Variants in DCN observed in about 807,000 individuals in gnomAD.
DCN encodes the protein decorin.
DCN carries 17 observed loss-of-function variants against 36.5 expected under a neutral mutation model. That is an observed-to-expected ratio of 0.47 (90% CI 0.32 to 0.70). The LOEUF is 0.70. Ranked by LOEUF, DCN falls within the 30% of genes least tolerant of loss-of-function variation. The probability of loss-of-function intolerance (pLI) is 0.04; values close to 1 mark genes in which losing one functional copy is unlikely to be tolerated. For missense variants in DCN, 389 were observed against 430.1 expected, an observed-to-expected ratio of 0.90 and a Z score of 0.84; for synonymous variants, 163 against 161.4, an observed-to-expected ratio of 1.01 and a Z score of -0.07.
In DCN at chr12:91,143,120, G is replaced by A. The variant is rs1015141454; in HGVS notation, c.*2938C>T. The A allele has an allele frequency of 1.3e-5, 2 of 152,188 alleles. No homozygotes were observed. The highest frequency in any genetic ancestry group is 4.8e-5 in the African/African-American group (2 of 41,426). 9.4% of individuals were successfully genotyped at this position (152,188 alleles called of 1,614,324 possible). ...GGTGAAGATGGAGGCATAAATTAGA[G>A]TCACGCTGCCATAAGGCAAAGAACA... On this transcript the variant is annotated 3_prime_UTR_variant, in exon 8 of 8. Transcript: ENST00000052754.
At position 91,145,295 on chromosome 12, in the gene DCN, A is replaced by C. The variant is rs1880937789; in HGVS notation, c.*763T>G. 1 of 152,258 alleles carries C rather than the reference A, an allele frequency of 6.6e-6. No individual in the cohort carries two copies. Among genetic ancestry groups the C allele is most frequent in the African/African-American group, 2.4e-5 (1 of 41,466 alleles). 9.4% of individuals were successfully genotyped at this position (152,258 alleles called of 1,614,324 possible). On this transcript the variant is annotated 3_prime_UTR_variant, in exon 8 of 8. Transcript: ENST00000052754. ...TTTAATATTTATTTAGCAGAGGGGT[A>C]AATTGAAACATCAGTTCTCTAGACC...
At chr12:91,180,068 A>G (rs1347547756) in intron 1 of DCN, 1 of 152,172 alleles carries the variant, frequency 6.6e-6, no homozygotes, top group East Asian at 1.9e-4. Context: ...ATTATATAGC[A>G]GCAAAGTCAT....
At chr12:91,149,162 T>C (rs1371162719) in intron 7 of DCN, among the ~76,000 whole-genome samples, 6 of 152,084 alleles carry the variant, frequency 3.9e-5, no homozygotes, top group Admixed American at 3.9e-4. Context: ...TGTAATCAAA[T>C]ACCTCTTATG....
chr12:91,168,070 A>G (rs1882700798), intron 2 of DCN, among the ~76,000 whole-genome samples: 1 of 152,064 alleles, frequency 6.6e-6, no homozygotes, highest in South Asian at 2.1e-4. Flanking sequence ...TGACCTCATG[A>G]TCCACCAGCC....
In DCN at chr12:91,142,527, T is replaced by C. The variant is rs11106011; in HGVS notation, c.*3531A>G. The C allele has an allele frequency of 2.0e-5, 3 of 152,248 alleles. No homozygotes were observed. In the East Asian group the frequency reaches 5.8e-4, roughly 29 times the overall value. The allele number at this position is 152,248 out of a possible 1,614,324, so 9.4% of individuals were successfully genotyped here. A position where few individuals can be genotyped will look rare whatever the true frequency, so the allele number is the denominator to read the frequency against. On this transcript the variant is annotated 3_prime_UTR_variant, in exon 8 of 8. Coordinates refer to ENST00000052754, the MANE Select transcript of DCN (RefSeq NM_001920.5). ...AGATAATAGTGATGATTCAGACAAA[T>C]GAATGAGCAGAAGAAGAGGAGATCC...
chr12:91,170,576 T>A lies in DCN; in HGVS notation c.212-5859A>T, dbSNP rs558330595. Among the ~76,000 whole-genome samples, 12 of 152,348 alleles carry A rather than the reference T, an allele frequency of 7.9e-5. No individual in the cohort carries two copies. In the South Asian group the frequency reaches 2.5e-3, roughly 32 times the overall value. On this transcript the variant is annotated intron_variant, in intron 2 of 7. Coordinates refer to ENST00000052754, the MANE Select transcript of DCN (RefSeq NM_001920.5). The stretch of plus-strand genomic sequence containing the variant: ...ATGAGTAATTAGACTCCTCAAAAAC[T>A]GCTCCTGGTCAATTTAACCCTATTT...
At chr12:91,152,168 T>C (rs1288390200) in intron 6 of DCN, among the ~76,000 whole-genome samples, 2 of 152,198 alleles carry the variant, frequency 1.3e-5, no homozygotes, top group African/African-American at 4.8e-5. Context: ...AATAAACAAA[T>C]ATTCTTGAAA....
Position 91,140,994 on chromosome 12 carries a change from T to A in DCN, c.*5064A>T, listed in dbSNP as rs2121099943. 1 of 152,392 alleles carries A rather than the reference T, an allele frequency of 6.6e-6. No homozygotes were observed. The highest frequency in any genetic ancestry group is 1.9e-4 in the East Asian group (1 of 5,176). The allele number at this position is 152,392 out of a possible 1,614,324, so 9.4% of individuals were successfully genotyped here. The stretch of plus-strand genomic sequence containing the variant: ...ATTTTGATCCCTTCTCAACAATTTT[T>A]CTACTATTATCCAGGTCAAAGTCTT... On this transcript the variant is annotated 3_prime_UTR_variant, in exon 8 of 8. Coordinates refer to ENST00000052754, the MANE Select transcript of DCN (RefSeq NM_001920.5).
intron 6 of DCN, among the ~76,000 whole-genome samples, chr12:91,152,598 A>G (rs1881505289): frequency 6.6e-6 from 1 of 152,168 alleles, no homozygotes; most frequent in Non-Finnish European, 1.5e-5. Context: ...TTGTTGATCT[A>G]CATTAAATGC....
chr12:91,164,060 A>G (rs1882339589), intron 3 of DCN, among the ~76,000 whole-genome samples: 2 of 152,226 alleles, frequency 1.3e-5, no homozygotes, highest in Non-Finnish European at 2.9e-5. Context: ...GTTAGTGGTT[A>G]ATAAATATGA....
At position 91,157,237 on chromosome 12, in the gene DCN, A is replaced by G. The variant is rs1881845349; in HGVS notation, c.539-49T>C. The G allele has an allele frequency of 3.1e-6, 4 of 1,271,670 alleles. No homozygotes were observed. In the East Asian group the frequency reaches 9.2e-5, roughly 29 times the overall value. 78.8% of individuals were successfully genotyped at this position (1,271,670 alleles called of 1,614,324 possible). On this transcript the variant is annotated intron_variant, in intron 4 of 7. Coordinates refer to ENST00000052754, the MANE Select transcript of DCN (RefSeq NM_001920.5). The stretch of plus-strand genomic sequence containing the variant: ...CTTTTAGAGGAAATTTTAGGATATT[A>G]CTAGTCACTGTAGTATCTGTTTCAG...
intron 2 of DCN, among the ~76,000 whole-genome samples, chr12:91,167,454 C>T (rs1882644025): frequency 6.8e-6 from 1 of 146,780 alleles, no homozygotes; most frequent in Non-Finnish European, 1.5e-5. Flanking sequence ...ATCTCAGACA[C>T]ACACACACAG....
chr12:91,165,446 G>A (rs192440726), intron 2 of DCN, among the ~76,000 whole-genome samples: 2 of 152,134 alleles, frequency 1.3e-5, no homozygotes, highest in Admixed American at 1.3e-4. Context: ...TTTTTAGTTT[G>A]TAAATGTAAA....
chr12:91,180,692 T>A (rs1397362608), intron 1 of DCN: 1 of 152,170 alleles, frequency 6.6e-6, no homozygotes, highest in Non-Finnish European at 1.5e-5. Flanking sequence ...TTACTGAGTA[T>A]CCCTTTAAGA....
rs144972644 is a variant in DCN at position 91,157,181 on chromosome 12, G to A, written c.546C>T (p.Gly182=). 2.5e-6 allele frequency: 4 copies of A among 1,611,278 alleles called. No individual in the cohort carries two copies. The highest frequency in any genetic ancestry group is 3.4e-6 in the Non-Finnish European group (4 of 1,177,524). Residue 182 remains glycine, a synonymous_variant, in exon 5 of 8, where the codon GGC becomes GGT. Coordinates refer to ENST00000052754, the MANE Select transcript of DCN (RefSeq NM_001920.5). ...TTCCTGAGCTCTTCAGCGGATTGGTGCCCAGTTCTACAAATGTAATAAGTG... is the reference window on the plus strand; with the variant it reads ...TTCCTGAGCTCTTCAGCGGATTGGTACCCAGTTCTACAAATGTAATAAGTG... The part of the protein sequence containing the change: ...GLNQMIVIEL[G]TNPLKSSGIE...
chr12:91,178,422 C>A lies in DCN; in HGVS notation c.131G>T (p.Arg44Leu). ...TGGGCCTAGGGAGGGCTCGAAGTCG[C>A]GGTCATCAGGAACTTCTGGGCCTAT... ...SGIGPEVPDD[R>L]DFEPSLGPVC... Residue 44 changes from arginine to leucine, a missense_variant, in exon 2 of 8, where the codon CGC (arginine) becomes CTC (leucine). Arg to Leu is a moderately radical substitution (Grantham distance 102). Coordinates refer to ENST00000052754, the MANE Select transcript of DCN (RefSeq NM_001920.5). 1 of 1,613,858 alleles carries A rather than the reference C, an allele frequency of 6.2e-7. No homozygotes were observed. Among genetic ancestry groups the A allele is most frequent in the East Asian group, 2.2e-5 (1 of 44,830 alleles).
At chr12:91,155,714 C>G (rs1881726261) in intron 5 of DCN, among the ~76,000 whole-genome samples, 1 of 152,012 alleles carries the variant, frequency 6.6e-6, no homozygotes, top group Admixed American at 6.6e-5. Flanking sequence ...CTGGGGATAG[C>G]AAAAGATTAC....
At chr12:91,164,020 G>C (rs1435253187) in intron 3 of DCN, among the ~76,000 whole-genome samples, 1 of 151,906 alleles carries the variant, frequency 6.6e-6, no homozygotes, top group Non-Finnish European at 1.5e-5. Context: ...AGATATATGG[G>C]GTATATGTAT....
rs1290053943 is a variant in DCN at position 91,170,073 on chromosome 12, A to AAAAAAG, written c.212-5362_212-5357dup. Among the ~76,000 whole-genome samples, 9 of 151,784 alleles carry AAAAAAG rather than the reference A, an allele frequency of 5.9e-5. No homozygotes were observed. The East Asian group carries it at 1.5e-3, about 26-fold the overall frequency. ...AGCAAGACTCTGTCTAAAAAAAAAAAAAAAAGAAAAAGAAAATTAGAAGAC... is the reference window on the plus strand; with the variant it reads ...AGCAAGACTCTGTCTAAAAAAAAAAAAAAAAGAAAAAGAAAAAGAAAATTAGAAGAC... On this transcript the variant is annotated intron_variant, in intron 2 of 7. Coordinates refer to ENST00000052754, the MANE Select transcript of DCN (RefSeq NM_001920.5).
Sources: allele counts gnomAD v4.1 joint callset (sites outside exome capture counted in the v4.1 genomes callset), GRCh38; gene constraint gnomAD v4.1.1; transcripts MANE v1.5; gene names NCBI Gene and HGNC (gene_info 2026-07-23, HGNC 2026-07-21).